Variants in CLASRP observed in about 807,000 individuals in gnomAD.
CLASRP encodes CLK4 associating serine/arginine rich protein.
CLASRP carries 52 observed loss-of-function variants against 99.9 expected under a neutral mutation model. That is an observed-to-expected ratio of 0.52 (90% CI 0.42 to 0.66). The LOEUF (loss-of-function observed/expected upper bound fraction) is 0.66, where lower values mean the gene tolerates loss of function less well. Ranked by LOEUF, CLASRP falls within the 30% of genes least tolerant of loss-of-function variation. The probability of loss-of-function intolerance (pLI) is 0.00; values close to 1 mark genes in which losing one functional copy is unlikely to be tolerated. For missense variants in CLASRP, 848 were observed against 999.2 expected, an observed-to-expected ratio of 0.85 and a Z score of 2.04; for synonymous variants, 379 against 373.0, an observed-to-expected ratio of 1.02 and a Z score of -0.18.
chr19:45,062,099 A>G (rs1966951607), intron 10 of CLASRP, 55 bp from the exon 11 acceptor site: 6 of 1,063,924 alleles, frequency 5.6e-6, no homozygotes, highest in African/African-American at 3.1e-5. Flanking sequence ...TCCCAAATTC[A>G]TGACTGCTGA....
At chr19:45,043,195 T>TTGTGTGTGTGTGTGTGTGCGTGTGTG (rs1971846335) in intron 2 of CLASRP, among the ~76,000 whole-genome samples, 1 of 134,690 alleles carries the variant, frequency 7.4e-6, no homozygotes, top group Non-Finnish European at 1.6e-5. Flanking sequence ...AAGGAATACT[T>TTGTGTGTGTGTGTGTGTGCGTGTGTG]TGTGTGTGTG....
At chr19:45,045,268 C>T (rs928041969) in intron 2 of CLASRP, among the ~76,000 whole-genome samples, 3 of 152,224 alleles carry the variant, frequency 2.0e-5, no homozygotes, top group Non-Finnish European at 2.9e-5. Context: ...GTAATCCCAG[C>T]ACTTCGGGAG....
In CLASRP at chr19:45,060,273, C is replaced by A. The variant is rs372562583; in HGVS notation, c.711-116C>A. The A allele has an allele frequency of 3.0e-4, 250 of 839,788 alleles. No individual in the cohort carries two copies. In the African/African-American group the frequency reaches 3.6e-3, roughly 12 times the overall value. The allele number at this position is 839,788 out of a possible 1,614,324, so 52.0% of individuals were successfully genotyped here. Reference sequence around the variant, plus strand: ...GATAAGTGGCATTGAATGAAAGATACCTCAGGCTGGCGTGGGGTGACTCAG... The same window carrying A: ...GATAAGTGGCATTGAATGAAAGATAACTCAGGCTGGCGTGGGGTGACTCAG... On this transcript the variant is annotated intron_variant, in intron 8 of 20. Transcript: ENST00000221455. The surrounding 1 kb of genome is among the most constrained non-coding windows in gnomAD (Gnocchi z 4.6).
At chr19:45,052,011 T>G in intron 2 of CLASRP, 60 bp from the exon 3 acceptor site, 3 of 1,303,174 alleles carry the variant, frequency 2.3e-6, no homozygotes, top group Admixed American at 1.8e-5. Context: ...CGGTTGTGTG[T>G]GAGGGGGTGG....
intron 7 of CLASRP, 174 bp downstream of exon 7, chr19:45,058,072 C>G (rs1384802811): frequency 1.1e-5 from 8 of 722,344 alleles, no homozygotes; most frequent in South Asian, 1.1e-4. Flanking sequence ...TCCTCCGTTC[C>G]GGCCTTCCTC....
chr19:45,058,953 C>T (rs1158257557), intron 7 of CLASRP, among the ~76,000 whole-genome samples: 1 of 152,098 alleles, frequency 6.6e-6, no homozygotes, highest in Non-Finnish European at 1.5e-5. Flanking sequence ...ATTCATCCAT[C>T]CATCCATCCC....
chr19:45,048,816 T>C lies in CLASRP; in HGVS notation c.100-3255T>C, dbSNP rs560128998. Among the ~76,000 whole-genome samples, 4 of 152,032 alleles carry C rather than the reference T, an allele frequency of 2.6e-5. No homozygotes were observed. In the South Asian group the frequency reaches 8.3e-4, roughly 32 times the overall value. ...GCCTGGCCAACATGGTGAAGCCCTGTCTCTACTAAAAATACCAAAATTAGC... is the reference window on the plus strand; with the variant it reads ...GCCTGGCCAACATGGTGAAGCCCTGCCTCTACTAAAAATACCAAAATTAGC... On this transcript the variant is annotated intron_variant, in intron 2 of 20. Coordinates refer to ENST00000221455, the MANE Select transcript of CLASRP (RefSeq NM_007056.3).
chr19:45,060,524 C>A lies in CLASRP; in HGVS notation c.790-30C>A. 6.2e-7 allele frequency: 1 copy of A among 1,613,600 alleles called. No homozygotes were observed. Among genetic ancestry groups the A allele is most frequent in the East Asian group, 2.2e-5 (1 of 44,856 alleles). ...GGGTGTGTCACAGGGAGGGCACCCC[C>A]TCACCAACCTGGCACCCACCCTACT... On this transcript the variant is annotated intron_variant, in intron 9 of 20. Coordinates refer to ENST00000221455, the MANE Select transcript of CLASRP (RefSeq NM_007056.3). This position sits in a 1 kb window ranked among gnomAD's most constrained non-coding sequence, Gnocchi z 4.6.
intron 2 of CLASRP, among the ~76,000 whole-genome samples, chr19:45,051,416 C>T (rs1972021075): frequency 1.3e-5 from 2 of 151,960 alleles, no homozygotes; most frequent in South Asian, 4.1e-4. Context: ...CAGGTTCAAG[C>T]GATTCTCCTG....
chr19:45,040,643 A>G (rs928888145), intron 2 of CLASRP: 5 of 230,322 alleles, frequency 2.2e-5, no homozygotes, highest in Non-Finnish European at 4.5e-5. Context: ...CCCCATTCCC[A>G]GAAGAGCTCA....
chr19:45,066,976 A>G (rs1454336874), intron 13 of CLASRP, among the ~76,000 whole-genome samples: 1 of 149,278 alleles, frequency 6.7e-6, no homozygotes, highest in Non-Finnish European at 1.5e-5. Flanking sequence ...TCACCGTGGA[A>G]CACTGTTGTG....
chr19:45,063,447 T>TTTTTTTTTTTTTTTTTTTTTTTTTTTTG, intron 11 of CLASRP, among the ~76,000 whole-genome samples: 1 of 119,862 alleles, frequency 8.3e-6, no homozygotes, highest in Non-Finnish European at 1.8e-5. Flanking sequence ...TTTTTTTTTT[T>TTTTTTTTTTTTTTTTTTTTTTTTTTTTG]TTTTTTTTTT....
At chr19:45,047,988 T>C (rs558023790) in intron 2 of CLASRP, among the ~76,000 whole-genome samples, 1 of 151,620 alleles carries the variant, frequency 6.6e-6, no homozygotes. Context: ...GGCAGGAGAA[T>C]CGCTTGAACC....
intron 2 of CLASRP, among the ~76,000 whole-genome samples, chr19:45,043,803 C>G (rs11083758): frequency 0.54 from 81,935 of 151,950 alleles, 22,419 homozygotes; most frequent in African/African-American, 0.62. Context: ...ATGTGATCAT[C>G]AAGGCAAGGC....
chr19:45,045,537 G>A (rs1035356627), intron 2 of CLASRP, among the ~76,000 whole-genome samples: 4 of 152,074 alleles, frequency 2.6e-5, no homozygotes, highest in Admixed American at 2.0e-4. Flanking sequence ...GTTTCGGGAT[G>A]TTTTCCCGTA....
At chr19:45,066,249 A>G (rs535460928) in intron 13 of CLASRP, among the ~76,000 whole-genome samples, 3 of 151,688 alleles carry the variant, frequency 2.0e-5, no homozygotes, top group Non-Finnish European at 4.4e-5. Context: ...CCTCCCAAGT[A>G]GCTGGGATTA....
intron 5 of CLASRP, among the ~76,000 whole-genome samples, chr19:45,055,295 C>T (rs1280536280): frequency 1.3e-5 from 2 of 152,290 alleles, no homozygotes; most frequent in Middle Eastern, 3.4e-3. Flanking sequence ...CACAGGATTC[C>T]AGGCCGAGAG....
intron 8 of CLASRP, 40 bp downstream of exon 8, chr19:45,059,404 C>A (rs149597400): frequency 3.4e-6 from 5 of 1,487,072 alleles, no homozygotes; most frequent in African/African-American, 1.4e-5. Context: ...ATTCTGTGGG[C>A]CCCACCCTGG....
intron 11 of CLASRP, 142 bp downstream of exon 11, chr19:45,062,337 T>C: frequency 1.6e-6 from 1 of 606,924 alleles, no homozygotes; most frequent in Non-Finnish European, 3.0e-6. Context: ...GTCTGAATCA[T>C]TTTTGTGTTT....
Sources: allele counts gnomAD v4.1 joint callset (sites outside exome capture counted in the v4.1 genomes callset), GRCh38; gene constraint gnomAD v4.1.1; non-coding constraint Gnocchi (gnomAD v3.1); transcripts MANE v1.5; gene names NCBI Gene and HGNC (gene_info 2026-07-23, HGNC 2026-07-21).